NR1D2: variants seen among roughly 807,000 people sequenced by gnomAD.
NR1D2 encodes the protein V-erbA-related protein 1-related.
Under a neutral mutation model 52.2 loss-of-function variants are expected in NR1D2, and 25 were observed. The observed-to-expected ratio is 0.48, with a 90% confidence interval of 0.35 to 0.67. The LOEUF (loss-of-function observed/expected upper bound fraction) is 0.67. Ranked by LOEUF, NR1D2 falls within the 30% of genes least tolerant of loss-of-function variation. The pLI, the probability that NR1D2 is intolerant of heterozygous loss-of-function variation, is 0.01. For missense variants in NR1D2, 681 were observed against 707.2 expected (o/e 0.96, Z 0.42); for synonymous variants, 259 against 230.1 (o/e 1.13, Z -1.14).
intron 7 of NR1D2, among the ~76,000 whole-genome samples, chr3:23,972,129 T>G (rs1706606557): frequency 6.6e-6 from 1 of 152,248 alleles, no homozygotes; most frequent in Admixed American, 6.5e-5. Context: ...TTTGTTGTTT[T>G]TGGGTTGTCA....
chr3:23,961,813 G>A (rs1706254724), intron 4 of NR1D2, among the ~76,000 whole-genome samples, 164 bp from the exon 5 acceptor site: 1 of 152,122 alleles, frequency 6.6e-6, no homozygotes, highest in African/African-American at 2.4e-5. Flanking sequence ...TTCCTTTGGT[G>A]CATCAAGACC....
intron 1 of NR1D2, among the ~76,000 whole-genome samples, chr3:23,950,774 A>G (rs1247201468): frequency 1.3e-5 from 2 of 152,182 alleles, no homozygotes; most frequent in Non-Finnish European, 2.9e-5. Flanking sequence ...TTGGATATTG[A>G]AGCTTTTGCA....
At position 23,978,764 on chromosome 3, in the gene NR1D2, T is replaced by A. The variant is rs1706806106; in HGVS notation, c.*1345T>A. 1 of 152,098 alleles carries A rather than the reference T, an allele frequency of 6.6e-6. No homozygotes were observed. The highest frequency in any genetic ancestry group is 2.1e-4 in the South Asian group (1 of 4,820). 9.4% of individuals were successfully genotyped at this position (152,098 alleles called of 1,614,324 possible). A position where few individuals can be genotyped will look rare whatever the true frequency, so the allele number is the denominator to read the frequency against. ...TTTTTCCTAAATAACACTACAGGGA[T>A]TTTGTCATATTAGATTTAATTTATA... is the stretch of plus-strand genomic sequence containing the variant. On this transcript the variant is annotated 3_prime_UTR_variant, in exon 8 of 8. Coordinates refer to ENST00000312521, the MANE Select transcript of NR1D2 (RefSeq NM_005126.5).
intron 1 of NR1D2, among the ~76,000 whole-genome samples, chr3:23,950,313 C>T (rs932477613): frequency 3.3e-5 from 5 of 152,252 alleles, no homozygotes; most frequent in African/African-American, 1.2e-4. Context: ...ACAACCTTGA[C>T]TTTAAACTTT....
chr3:23,957,390 C>CTTTTTTTTTTTTTT (rs201651739), intron 3 of NR1D2, among the ~76,000 whole-genome samples: 2 of 110,558 alleles, frequency 1.8e-5, no homozygotes, highest in Admixed American at 1.0e-4. Flanking sequence ...CTCTATATAT[C>CTTTTTTTTTTTTTT]TTTTTTTTTT....
rs371074260 is a variant in NR1D2, at chr3:23,963,314, G to T, written c.1146+709G>T. ...CCATGAAGTCCTTTGATAGTGCTTG[G>T]TATTTTCTACTGACAGGTAATTAAA... On this transcript the variant is annotated intron_variant, in intron 5 of 7. Transcript: ENST00000312521. 2.2e-5 allele frequency: 29 copies of T among 1,346,998 alleles called. No homozygotes were observed. In the African/African-American group the frequency reaches 4.2e-4, roughly 19 times the overall value. The allele number at this position is 1,346,998 out of a possible 1,614,324, so 83.4% of individuals were successfully genotyped here. A position where few individuals can be genotyped will look rare whatever the true frequency, so the allele number is the denominator to read the frequency against.
At chr3:23,947,942 A>T (rs1279288891) in intron 1 of NR1D2, among the ~76,000 whole-genome samples, 1 of 151,954 alleles carries the variant, frequency 6.6e-6, no homozygotes. Context: ...ACATGGTGAA[A>T]CCCCGTCTCT....
intron 1 of NR1D2, 55 bp downstream of exon 1, chr3:23,945,649 G>A: frequency 3.5e-6 from 4 of 1,148,220 alleles, no homozygotes; most frequent in Non-Finnish European, 4.3e-6. Flanking sequence ...CTCAGAGCCC[G>A]CGGGGCACTT....
At chr3:23,967,702 T>A (rs1706486981) in intron 6 of NR1D2, 111 bp from the exon 7 acceptor site, 1 of 797,412 alleles carries the variant, frequency 1.3e-6, no homozygotes, top group East Asian at 2.7e-5. Flanking sequence ...TTTTCTTTTA[T>A]AACTTTCTTT....
intron 3 of NR1D2, among the ~76,000 whole-genome samples, chr3:23,959,401 T>G (rs1453655871): frequency 1.3e-5 from 2 of 152,010 alleles, no homozygotes; most frequent in Admixed American, 6.6e-5. Context: ...AAGGGGTGTT[T>G]TGGGTAAGGA....
chr3:23,956,262 T>G (rs1210293297), intron 3 of NR1D2, 137 bp downstream of exon 3: 1 of 657,446 alleles, frequency 1.5e-6, no homozygotes, highest in Non-Finnish European at 2.8e-6. Context: ...AAGCATTTTA[T>G]GTAGTGTATA....
chr3:23,950,694 G>A (rs927120847), intron 1 of NR1D2, among the ~76,000 whole-genome samples: 1 of 152,182 alleles, frequency 6.6e-6, no homozygotes, highest in African/African-American at 2.4e-5. Flanking sequence ...GCCTGGCACA[G>A]ATGCTTGTTT....
rs60587118 is a variant in NR1D2 at position 23,974,088 on chromosome 3, CT to C, written c.1544-3109del. Among the ~76,000 whole-genome samples, 650 of 79,456 alleles carry C rather than the reference CT, an allele frequency of 8.2e-3. 1 individual carries two copies. The highest frequency in any genetic ancestry group is 0.014 in the Middle Eastern group (1 of 70). 52.1% of individuals were successfully genotyped at this position (79,456 alleles called of 152,430 possible). ...CTGCCTGAGGCTGCTTTACAGTTAC[CT>C]TTTTTTTTTTTTTTTTTTTTTTTTT... On this transcript the variant is annotated intron_variant, in intron 7 of 7. Coordinates refer to ENST00000312521, the MANE Select transcript of NR1D2 (RefSeq NM_005126.5).
Position 23,966,812 on chromosome 3 carries a change from T to C in NR1D2, c.1333-1001T>C, listed in dbSNP as rs546743716. Reference sequence around the variant, plus strand: ...TGGGAGGCCGAGGCAGGCCGATCACTTGAGTCCAGGAGTTCGAGACCAGCC... The same window carrying C: ...TGGGAGGCCGAGGCAGGCCGATCACCTGAGTCCAGGAGTTCGAGACCAGCC... On this transcript the variant is annotated intron_variant, in intron 6 of 7. Transcript: ENST00000312521. 8.2e-4 allele frequency among the ~76,000 whole-genome samples: 125 copies of C among 151,996 alleles called. 2 individuals are homozygous for C. The highest frequency in any genetic ancestry group is 2.8e-3 in the African/African-American group (118 of 41,452).
In NR1D2 at chr3:23,978,696, A is replaced by ATGTG. The variant is rs1050375450; in HGVS notation, c.*1286_*1289dup. ...TAAAGCAACTGTTTAATATGATGGC[A>ATGTG]TGTGTGTGTGTGCGTGCGTGTGTAT... On this transcript the variant is annotated 3_prime_UTR_variant, in exon 8 of 8. Transcript: ENST00000312521. The ATGTG allele has an allele frequency of 6.6e-6, 1 of 151,860 alleles. No homozygotes were observed. Among genetic ancestry groups the ATGTG allele is most frequent in the South Asian group, 2.1e-4 (1 of 4,814 alleles). 9.4% of individuals were successfully genotyped at this position (151,860 alleles called of 1,614,324 possible).
chr3:23,968,234 A>G (rs984753493), intron 7 of NR1D2, among the ~76,000 whole-genome samples: 2 of 152,244 alleles, frequency 1.3e-5, no homozygotes, highest in African/African-American at 4.8e-5. Context: ...TAATACTTAC[A>G]TCTAGGCCTT....
chr3:23,963,456 T>TG, intron 5 of NR1D2: 11 of 1,156,990 alleles, frequency 9.5e-6, no homozygotes, highest in Non-Finnish European at 1.2e-5. Context: ...CGTTGCTTTT[T>TG]TGTTTTTTTT....
intron 7 of NR1D2, among the ~76,000 whole-genome samples, chr3:23,969,301 A>G (rs62253387): frequency 0.18 from 27,667 of 151,948 alleles, 2,580 homozygotes; most frequent in Non-Finnish European, 0.21. Context: ...AAACAAAAAC[A>G]AAAACAACAA....
At chr3:23,951,285 C>CT (rs1247831598) in intron 1 of NR1D2, among the ~76,000 whole-genome samples, 2 of 152,084 alleles carry the variant, frequency 1.3e-5, no homozygotes, top group Non-Finnish European at 2.9e-5. Flanking sequence ...AATGGGGGCC[C>CT]TAGGAAAGTC....
Sources: gnomAD v4.1 joint callset for allele counts (sites outside exome capture counted in the v4.1 genomes callset) on GRCh38, gnomAD v4.1.1 for gene constraint, MANE v1.5 for transcripts, NCBI Gene and HGNC (gene_info 2026-07-23, HGNC 2026-07-21) for gene names.